The following PRPS2 variants were observed in gnomAD, a reference collection of about 807,000 sequenced individuals.
The protein encoded by PRPS2 is ribose-phosphate pyrophosphokinase 2.
For missense variants in PRPS2, 104 were observed against 271.5 expected (o/e 0.38, Z 4.34); for synonymous variants, 111 against 115.3 (o/e 0.96, Z 0.24).
chrX:12,815,171 A>G (rs1290398041), intron 4 of PRPS2, among the ~76,000 whole-genome samples: 3 of 111,355 alleles, frequency 2.7e-5, no homozygotes, highest in Non-Finnish European at 5.7e-5. Context: ...TTGCAGGGGT[A>G]TTTTCTCTTA....
rs375303517 is a variant in PRPS2 at position 12,823,710 on chromosome X, T to A, written c.*914T>A. 2.7e-5 allele frequency: 3 copies of A among 112,075 alleles called. No homozygotes were observed. Among genetic ancestry groups the A allele is most frequent in the African/African-American group, 9.7e-5 (3 of 30,820 alleles). 9.2% of individuals were successfully genotyped at this position (112,075 alleles called of 1,213,427 possible). On this transcript the variant is annotated 3_prime_UTR_variant, in exon 7 of 7. Coordinates refer to ENST00000380668, the MANE Select transcript of PRPS2 (RefSeq NM_002765.5). ...CATTCTCTGAATTAAGAACTGATGG[T>A]TTCTATCATTATTTAGCCCCACCTT...
chrX:12,815,721 G>A (rs1386545948), intron 4 of PRPS2, among the ~76,000 whole-genome samples: 1 of 111,510 alleles, frequency 9.0e-6, no homozygotes, highest in Non-Finnish European at 1.9e-5. Flanking sequence ...TTGGCTCACT[G>A]CAACCTCCAC....
chrX:12,793,609 T>G (rs2042529941), intron 1 of PRPS2, among the ~76,000 whole-genome samples: 1 of 112,458 alleles, frequency 8.9e-6, no homozygotes, highest in African/African-American at 3.2e-5. Context: ...AGTACAGAGC[T>G]TAATTTTTAT....
intron 1 of PRPS2, among the ~76,000 whole-genome samples, 193 bp downstream of exon 1, chrX:12,791,812 T>C (rs1279305467): frequency 6.3e-5 from 7 of 110,470 alleles, no homozygotes; most frequent in Non-Finnish European, 5.7e-5. Flanking sequence ...GCGCCGCGCG[T>C]CCCGATGCGC....
intron 4 of PRPS2, among the ~76,000 whole-genome samples, chrX:12,812,705 T>G (rs1010389423): frequency 3.6e-5 from 4 of 112,198 alleles, no homozygotes; most frequent in African/African-American, 1.3e-4. Flanking sequence ...AGCAGTGTTT[T>G]GCATATTCAG....
chrX:12,822,415 A>G (rs2042680676), intron 6 of PRPS2, among the ~76,000 whole-genome samples: 1 of 112,085 alleles, frequency 8.9e-6, no homozygotes, highest in East Asian at 2.8e-4. Flanking sequence ...AAAACAACAA[A>G]TGCCCCTGGA....
At chrX:12,806,639 G>T (rs4639691) in intron 2 of PRPS2, among the ~76,000 whole-genome samples, 25,095 of 111,520 alleles carry the variant, frequency 0.23, 2,291 homozygotes, top group Non-Finnish European at 0.3. Context: ...ATCAGAAAGC[G>T]TGAATTTAGG....
chrX:12,805,798 C>T (rs2042590572), intron 2 of PRPS2, among the ~76,000 whole-genome samples: 1 of 112,013 alleles, frequency 8.9e-6, no homozygotes, highest in Admixed American at 9.5e-5. Context: ...TTGGGCCGGG[C>T]ATGGTGGCTC....
In PRPS2 at chrX:12,823,103, AC is replaced by A; in HGVS notation, c.*308del. 1 of 221,059 alleles carries A rather than the reference AC, an allele frequency of 4.5e-6. No homozygotes were observed. Among genetic ancestry groups the A allele is most frequent in the Non-Finnish European group, 8.1e-6 (1 of 124,172 alleles). The allele number at this position is 221,059 out of a possible 1,213,427, so 18.2% of individuals were successfully genotyped here. A position where few individuals can be genotyped will look rare whatever the true frequency, so the allele number is the denominator to read the frequency against. ...TTTGTTCTTTCAGTACTTTGAGGCG[AC>A]AACTTTCAAGTATATAATTTCATTG... On this transcript the variant is annotated 3_prime_UTR_variant, in exon 7 of 7. Coordinates refer to ENST00000380668, the MANE Select transcript of PRPS2 (RefSeq NM_002765.5).
chrX:12,802,270 CAG>C (rs1230621524), intron 2 of PRPS2, among the ~76,000 whole-genome samples: 3 of 111,986 alleles, frequency 2.7e-5, no homozygotes, highest in African/African-American at 9.7e-5. Context: ...GTAGTGCTCC[CAG>C]CCACCACTAA....
At chrX:12,804,158 T>C (rs757959679) in intron 2 of PRPS2, among the ~76,000 whole-genome samples, 1 of 109,088 alleles carries the variant, frequency 9.2e-6, no homozygotes, top group South Asian at 4.1e-4. Flanking sequence ...CTTTATTTTT[T>C]TAAGACAGAG....
At chrX:12,801,336 T>G (rs1206066468) in intron 2 of PRPS2, among the ~76,000 whole-genome samples, 6 of 111,031 alleles carry the variant, frequency 5.4e-5, no homozygotes, top group Non-Finnish European at 1.1e-4. Flanking sequence ...AGCTGTATCC[T>G]CCCACTAGCT....
At chrX:12,804,532 CTG>C (rs2042584615) in intron 2 of PRPS2, among the ~76,000 whole-genome samples, 1 of 111,275 alleles carries the variant, frequency 9.0e-6, no homozygotes, top group Non-Finnish European at 1.9e-5. Flanking sequence ...TACTGAGAAA[CTG>C]TACTTTGGTG....
intron 2 of PRPS2, among the ~76,000 whole-genome samples, chrX:12,808,625 G>T (rs1361403843): frequency 8.9e-6 from 1 of 112,086 alleles, no homozygotes; most frequent in Non-Finnish European, 1.9e-5. Context: ...TTCATTCTTT[G>T]ACCTTGTTTT....
Position 12,820,785 on chromosome X carries a change from A to G in PRPS2, c.846A>G (p.Lys282=), listed in dbSNP as rs1463412760. ...TNTIPQEDKM[K]HCTKIQVIDI... ...CAATTCCGCAAGAGGACAAAATGAA[A>G]CACTGCACCAAGATTCAGGTACTGT... The change falls in exon 6 of 7, where the codon AAA becomes AAG. Residue 282 remains lysine, a synonymous_variant. Coordinates refer to ENST00000380668, the MANE Select transcript of PRPS2 (RefSeq NM_002765.5). The G allele has an allele frequency of 3.3e-6, 4 of 1,211,092 alleles. No individual in the cohort carries two copies. The highest frequency in any genetic ancestry group is 2.2e-5 in the Admixed American group (1 of 45,924).
At chrX:12,795,968 T>G (rs1359461323) in intron 1 of PRPS2, among the ~76,000 whole-genome samples, 4 of 112,420 alleles carry the variant, frequency 3.6e-5, no homozygotes, top group Non-Finnish European at 7.5e-5. Context: ...GTAGAAGGCG[T>G]GCAAGAAGAT....
rs1211662605 is a variant in PRPS2 at position 12,804,964 on chromosome X, GA to G, written c.307-4260del. On this transcript the variant is annotated intron_variant, in intron 2 of 6. Transcript: ENST00000380668. The stretch of plus-strand genomic sequence containing the variant: ...TTGGAATGCCTTGCAAAGAAGCCCA[GA>G]AAAAAAAAATCTGGAAGCTTTTAAC... Among the ~76,000 whole-genome samples the G allele has an allele frequency of 1.4e-3, 154 of 107,939 alleles. 1 individual carries two copies. Among genetic ancestry groups the G allele is most frequent in the African/African-American group, 4.8e-3 (142 of 29,747 alleles). The allele number at this position is 107,939 out of a possible 115,157, so 93.7% of individuals were successfully genotyped here.
intron 4 of PRPS2, among the ~76,000 whole-genome samples, chrX:12,813,279 A>G (rs150569056): frequency 3.6e-5 from 4 of 112,127 alleles, no homozygotes; most frequent in Non-Finnish European, 3.8e-5. Flanking sequence ...CAGCTGTGCA[A>G]TATTCCCTTG....
chrX:12,818,811 C>G (rs768975249), intron 4 of PRPS2, among the ~76,000 whole-genome samples: 375 of 111,836 alleles, frequency 3.4e-3, no homozygotes, highest in African/African-American at 0.011. Flanking sequence ...CACCAGCAAG[C>G]GAGGCCTGCC....
Sources: gnomAD v4.1 joint callset for allele counts (sites outside exome capture counted in the v4.1 genomes callset) on GRCh38, gnomAD v4.1.1 for gene constraint, MANE v1.5 for transcripts, NCBI Gene and HGNC (gene_info 2026-07-23, HGNC 2026-07-21) for gene names.